ACVR2B: variants seen among roughly 807,000 people sequenced by gnomAD.
ACVR2B encodes activin receptor type-2B.
In ACVR2B, 18 loss-of-function variants were observed where a neutral mutation model predicts 65.1. The observed-to-expected ratio is 0.28, with a 90% confidence interval of 0.19 to 0.41. The LOEUF is 0.41. Ranked by LOEUF, ACVR2B falls within the 10% of genes least tolerant of loss-of-function variation. The probability of loss-of-function intolerance (pLI) is 1.00; values close to 1 mark genes in which losing one functional copy is unlikely to be tolerated. For synonymous variants in ACVR2B, 298 were observed against 277.7 expected, an observed-to-expected ratio of 1.07 and a Z score of -0.73; for missense variants, 482 against 682.7, an observed-to-expected ratio of 0.71 and a Z score of 3.28.
intron 1 of ACVR2B, among the ~76,000 whole-genome samples, chr3:38,463,330 A>G (rs1169331795): frequency 1.3e-5 from 2 of 152,330 alleles, no homozygotes; most frequent in African/African-American, 2.4e-5. Flanking sequence ...GCATTTGACA[A>G]AATCTGAGTG....
intron 1 of ACVR2B, among the ~76,000 whole-genome samples, chr3:38,467,245 C>T (rs1575581774): frequency 6.6e-6 from 1 of 151,972 alleles, no homozygotes; most frequent in South Asian, 2.1e-4. Context: ...GTGGGTTGTT[C>T]AAGACCAGCC....
chr3:38,464,681 C>A (rs923747745), intron 1 of ACVR2B, among the ~76,000 whole-genome samples: 1 of 152,108 alleles, frequency 6.6e-6, no homozygotes, highest in Non-Finnish European at 1.5e-5. Flanking sequence ...TGGGCAGAGT[C>A]AATCACTTAT....
At position 38,477,634 on chromosome 3, in the gene ACVR2B, C is replaced by G; in HGVS notation, c.260+140C>G. 9.0e-7 allele frequency: 1 copy of G among 1,113,486 alleles called. No homozygotes were observed. Among genetic ancestry groups the G allele is most frequent in the African/African-American group, 1.5e-5 (1 of 64,632 alleles). The allele number at this position is 1,113,486 out of a possible 1,614,324, so 69.0% of individuals were successfully genotyped here. A position where few individuals can be genotyped will look rare whatever the true frequency, so the allele number is the denominator to read the frequency against. ...TTGAGATGGTAGCCATGGCCCCACG[C>G]CCTTCCACACCCTATTTGTCCTACC... On this transcript the variant is annotated intron_variant, in intron 2 of 10. Coordinates refer to ENST00000352511, the MANE Select transcript of ACVR2B (RefSeq NM_001106.4). The surrounding 1 kb of genome is among the most constrained non-coding windows in gnomAD (Gnocchi z 6.7).
At chr3:38,460,509 A>G (rs887371400) in intron 1 of ACVR2B, among the ~76,000 whole-genome samples, 7 of 152,248 alleles carry the variant, frequency 4.6e-5, no homozygotes, top group African/African-American at 1.4e-4. Flanking sequence ...CCCAGGACCA[A>G]TAATGGCTTC....
At position 38,483,462 on chromosome 3, in the gene ACVR2B, T is replaced by TTTA. The variant is rs936754152; in HGVS notation, c.*144_*146dup. On this transcript the variant is annotated 3_prime_UTR_variant, in exon 11 of 11. Transcript: ENST00000352511. This position sits in a 1 kb window ranked among gnomAD's most constrained non-coding sequence, Gnocchi z 4.8. ...TGCAGCTGCTATTTTACCTTGACTTTTTATTATTATTATTATAATTATTAT... is the reference window on the plus strand; with the variant it reads ...TGCAGCTGCTATTTTACCTTGACTTTTTATTATTATTATTATTATAATTATTAT... The TTTA allele has an allele frequency of 2.7e-5, 14 of 523,574 alleles. No individual in the cohort carries two copies. Among genetic ancestry groups the TTTA allele is most frequent in the East Asian group, 1.2e-4 (3 of 24,988 alleles). The allele number at this position is 523,574 out of a possible 1,614,324, so 32.4% of individuals were successfully genotyped here. A position where few individuals can be genotyped will look rare whatever the true frequency, so the allele number is the denominator to read the frequency against.
At chr3:38,475,101 A>G (rs1028930839) in intron 1 of ACVR2B, 3 of 152,376 alleles carry the variant, frequency 2.0e-5, no homozygotes, top group Middle Eastern at 3.1e-3. Context: ...GCCTCTGGGC[A>G]GGGTGCTTCG....
chr3:38,455,950 C>G (rs950985488), intron 1 of ACVR2B, among the ~76,000 whole-genome samples: 9 of 152,174 alleles, frequency 5.9e-5, no homozygotes, highest in Non-Finnish European at 1.2e-4. Context: ...GGGGCTCTTC[C>G]AAGCCCAGGC....
chr3:38,454,453 A>G, intron 1 of ACVR2B, 79 bp downstream of exon 1: 1 of 1,162,990 alleles, frequency 8.6e-7, no homozygotes, highest in Non-Finnish European at 1.1e-6. Flanking sequence ...TTTACCAACA[A>G]AGGGCGGGCC....
At chr3:38,463,743 C>T (rs970651389) in intron 1 of ACVR2B, among the ~76,000 whole-genome samples, 2 of 152,132 alleles carry the variant, frequency 1.3e-5, no homozygotes, top group South Asian at 2.1e-4. Context: ...ATATGATGTG[C>T]GCTGTTTGTG....
intron 1 of ACVR2B, among the ~76,000 whole-genome samples, chr3:38,464,324 G>A (rs564527016): frequency 3.9e-5 from 6 of 152,340 alleles, no homozygotes; most frequent in South Asian, 2.1e-4. Flanking sequence ...CTTAATTTCC[G>A]TGTATGTGTG....
In ACVR2B at chr3:38,483,222, C is replaced by T. The variant is rs1710049829; in HGVS notation, c.1429C>T (p.Arg477Trp). 3.7e-6 allele frequency: 6 copies of T among 1,614,056 alleles called. No homozygotes were observed. Among genetic ancestry groups the T allele is most frequent in the Non-Finnish European group, 4.2e-6 (5 of 1,180,018 alleles). Residue 477 changes from arginine to tryptophan, a missense_variant, in exon 11 of 11, where the codon CGG (arginine) becomes TGG (tryptophan). Physicochemically the swap from Arg to Trp is moderately radical, Grantham distance 101. Around this residue, in one of 5 missense-constraint regions of ACVR2B, gnomAD observed 223 missense variants for 386.3 expected, o/e 0.58. Coordinates refer to ENST00000352511, the MANE Select transcript of ACVR2B (RefSeq NM_001106.4). The surrounding 1 kb of genome is among the most constrained non-coding windows in gnomAD (Gnocchi z 4.8). ...CTTGTCCGCGGGCTGTGTGGAGGAG[C>T]GGGTGTCCCTGATTCGGAGGTCGGT... The part of the protein sequence containing the change: ...ARLSAGCVEE[R>W]VSLIRRSVNG...
chr3:38,472,885 G>A (rs1230671907), intron 1 of ACVR2B, among the ~76,000 whole-genome samples: 1 of 152,208 alleles, frequency 6.6e-6, no homozygotes, highest in Non-Finnish European at 1.5e-5. Context: ...AAGGCCTACT[G>A]GACTGAGCTG....
intron 1 of ACVR2B, among the ~76,000 whole-genome samples, chr3:38,458,368 T>C (rs1022047646): frequency 4.6e-5 from 7 of 152,226 alleles, no homozygotes; most frequent in African/African-American, 1.7e-4. Context: ...CATGTGTGTG[T>C]ACATTGTATG....
chr3:38,464,329 T>A lies in ACVR2B; in HGVS notation c.52+9955T>A, dbSNP rs530745936. ...CACTGGTGGGCTTAATTTCCGTGTA[T>A]GTGTGCAGGTTCCCTTGCCTTTGGG... On this transcript the variant is annotated intron_variant, in intron 1 of 10. Coordinates refer to ENST00000352511, the MANE Select transcript of ACVR2B (RefSeq NM_001106.4). 1.8e-3 allele frequency among the ~76,000 whole-genome samples: 268 copies of A among 152,382 alleles called. 2 individuals are homozygous for A. The highest frequency in any genetic ancestry group is 2.8e-3 in the Non-Finnish European group (193 of 68,040).
At position 38,477,028 on chromosome 3, in the gene ACVR2B, C is replaced by T. The variant is rs1432903649; in HGVS notation, c.53-259C>T. 10 of 575,666 alleles carry T rather than the reference C, an allele frequency of 1.7e-5. No individual in the cohort carries two copies. Among genetic ancestry groups the T allele is most frequent in the Non-Finnish European group, 3.1e-5 (10 of 321,894 alleles). The allele number at this position is 575,666 out of a possible 1,614,324, so 35.7% of individuals were successfully genotyped here. A position where few individuals can be genotyped will look rare whatever the true frequency, so the allele number is the denominator to read the frequency against. On this transcript the variant is annotated intron_variant, in intron 1 of 10. Coordinates refer to ENST00000352511, the MANE Select transcript of ACVR2B (RefSeq NM_001106.4). The surrounding 1 kb of genome is among the most constrained non-coding windows in gnomAD (Gnocchi z 6.7). ...TCTGTGGCATTAGGTTTCCTGCCTC[C>T]TCCCTTTTGCTTAGGCCTAGGGGCA...
At chr3:38,476,063 GGGC>G (rs1327497966) in intron 1 of ACVR2B, 1 of 152,286 alleles carries the variant, frequency 6.6e-6, no homozygotes, top group Non-Finnish European at 1.5e-5. Context: ...CCTCCATTGT[GGGC>G]GGCCTATAAT....
chr3:38,456,772 G>A (rs752567436), intron 1 of ACVR2B, among the ~76,000 whole-genome samples: 3 of 152,098 alleles, frequency 2.0e-5, no homozygotes, highest in Admixed American at 6.5e-5. Flanking sequence ...TTACCTGATG[G>A]CCCCACCCTC....
intron 1 of ACVR2B, among the ~76,000 whole-genome samples, chr3:38,471,915 A>G (rs147915411): frequency 3.6e-4 from 55 of 152,332 alleles, no homozygotes; most frequent in African/African-American, 1.3e-3. Context: ...ATGGCTTACA[A>G]ATATATGGAT....
At position 38,454,375 on chromosome 3, in the gene ACVR2B, G is replaced by A; in HGVS notation, c.52+1G>A. 7.9e-7 allele frequency: 1 copy of A among 1,265,612 alleles called. No homozygotes were observed. The highest frequency in any genetic ancestry group is 9.9e-7 in the Non-Finnish European group (1 of 1,007,490). The allele number at this position is 1,265,612 out of a possible 1,614,324, so 78.4% of individuals were successfully genotyped here. A position where few individuals can be genotyped will look rare whatever the true frequency, so the allele number is the denominator to read the frequency against. ...CTCCTCTGGGGATCGCTGTGCGCCGGTAAGAACTGGGCGCGGCGCGGGGAC... is the reference window on the plus strand; with the variant it reads ...CTCCTCTGGGGATCGCTGTGCGCCGATAAGAACTGGGCGCGGCGCGGGGAC... On this transcript the variant is annotated splice_donor_variant, in intron 1 of 10. Coordinates refer to ENST00000352511, the MANE Select transcript of ACVR2B (RefSeq NM_001106.4). LOFTEE classifies it high-confidence loss of function.
Sources: allele counts gnomAD v4.1 joint callset (sites outside exome capture counted in the v4.1 genomes callset), GRCh38; gene constraint gnomAD v4.1.1; regional missense constraint gnomAD v4.1.1; non-coding constraint Gnocchi (gnomAD v3.1); transcripts MANE v1.5; gene names NCBI Gene and HGNC (gene_info 2026-07-23, HGNC 2026-07-21).